Variants in LRRK2 observed in about 807,000 individuals in gnomAD.
LRRK2 encodes the protein leucine-rich repeat serine/threonine-protein kinase 2.
LRRK2 carries 203 observed loss-of-function variants against 302.6 expected under a neutral mutation model. The ratio of observed to expected loss-of-function variants is 0.67; its 90% CI spans 0.60 to 0.75. LRRK2 has a LOEUF of 0.75. Among genes scored for constraint, LRRK2 ranks in the 30% least tolerant of loss-of-function variants. LRRK2 has a pLI of 0.00. For synonymous variants in LRRK2, 1,066 were observed against 1,031.9 expected (o/e 1.03, Z -0.63); for missense variants, 2,830 against 2,951.0 (o/e 0.96, Z 0.95).
intron 24 of LRRK2, among the ~76,000 whole-genome samples, chr12:40,298,889 A>G (rs993018682): frequency 4.8e-5 from 6 of 125,546 alleles, no homozygotes; most frequent in African/African-American, 1.5e-4. Context: ...TATAATACTT[A>G]TTATATATAT....
At chr12:40,256,858 T>C (rs1231459801) in intron 11 of LRRK2, among the ~76,000 whole-genome samples, 4 of 152,232 alleles carry the variant, frequency 2.6e-5, no homozygotes, top group Non-Finnish European at 5.9e-5. Flanking sequence ...GTGCAGTTAT[T>C]TGTGAACTTG....
chr12:40,362,426 C>T (rs1227466535), intron 47 of LRRK2, among the ~76,000 whole-genome samples: 1 of 151,958 alleles, frequency 6.6e-6, no homozygotes, highest in Non-Finnish European at 1.5e-5. Context: ...CTTCTATTCC[C>T]CCACTTAACA....
intron 4 of LRRK2, among the ~76,000 whole-genome samples, chr12:40,236,463 G>A (rs900982808): frequency 1.2e-4 from 18 of 152,138 alleles, no homozygotes; most frequent in African/African-American, 4.1e-4. Context: ...AAAAAATCTT[G>A]AAATGATGCA....
intron 5 of LRRK2, among the ~76,000 whole-genome samples, chr12:40,239,361 A>G (rs1046178741): frequency 6.6e-6 from 1 of 152,146 alleles, no homozygotes; most frequent in Non-Finnish European, 1.5e-5. Context: ...CTTGCAACTA[A>G]GCTTTCGATG....
At chr12:40,229,464 G>A (rs1372767928) in intron 2 of LRRK2, among the ~76,000 whole-genome samples, 4 of 152,018 alleles carry the variant, frequency 2.6e-5, no homozygotes, top group East Asian at 3.8e-4. Flanking sequence ...GAAAATTGAC[G>A]GTTAAGCTAG....
intron 41 of LRRK2, among the ~76,000 whole-genome samples, chr12:40,341,806 C>T (rs1439209999): frequency 1.3e-5 from 2 of 152,154 alleles, no homozygotes; most frequent in African/African-American, 4.8e-5. Flanking sequence ...TATAGTCTCT[C>T]CTAAACCATA....
intron 26 of LRRK2, 102 bp from the exon 27 acceptor site, chr12:40,303,846 C>A: frequency 1.8e-6 from 2 of 1,092,612 alleles, no homozygotes; most frequent in Non-Finnish European, 2.8e-6. Flanking sequence ...CTAGTTTTGA[C>A]GTTACACTTT....
At chr12:40,276,515 C>G (rs1943460003) in intron 16 of LRRK2, among the ~76,000 whole-genome samples, 1 of 152,148 alleles carries the variant, frequency 6.6e-6, no homozygotes, top group Admixed American at 6.5e-5. Context: ...AGGCTGGTCT[C>G]AAACTCCTGA....
chr12:40,361,176 G>A (rs1400042148), intron 47 of LRRK2, among the ~76,000 whole-genome samples: 1 of 151,944 alleles, frequency 6.6e-6, no homozygotes, highest in African/African-American at 2.4e-5. Flanking sequence ...TATATTTGAG[G>A]TTAAGATATA....
chr12:40,264,727 C>T lies in LRRK2; in HGVS notation c.1656+826C>T, dbSNP rs1305871471. 2.0e-5 allele frequency among the ~76,000 whole-genome samples: 3 copies of T among 152,202 alleles called. No individual in the cohort carries two copies. In the East Asian group the frequency reaches 5.8e-4, roughly 29 times the overall value. The stretch of plus-strand genomic sequence containing the variant: ...ATAACCTCTGAAATGATTTGGTATA[C>T]ATTGTTTCCATTTTTTAGCATTTAC... On this transcript the variant is annotated intron_variant, in intron 14 of 50. Coordinates refer to ENST00000298910, the MANE Select transcript of LRRK2 (RefSeq NM_198578.4).
Position 40,284,019 on chromosome 12 carries a change from C to T in LRRK2, c.2386C>T (p.Leu796=), listed in dbSNP as rs1262075530. 6.2e-7 allele frequency: 1 copy of T among 1,613,782 alleles called. No homozygotes were observed. The change falls in exon 19 of 51, where the codon CTG becomes TTG. Residue 796 remains leucine (L), a synonymous_variant. Transcript: ENST00000298910. ...IISLLLRRLA[L]DVANNSICLG... is the part of the protein sequence containing the mutation. ...CAGCTTGCTCTTAAGGAGGCTGGCC[C>T]TGGATGTGGCCAACAATAGCATTTG...
chr12:40,308,985 G>T, intron 29 of LRRK2, 121 bp from the exon 30 acceptor site: 2 of 1,159,658 alleles, frequency 1.7e-6, no homozygotes, highest in Non-Finnish European at 2.5e-6. Flanking sequence ...ATGGTCTGTT[G>T]TTTTTCTCTT....
At chr12:40,325,183 G>A (rs567944601) in intron 38 of LRRK2, among the ~76,000 whole-genome samples, 7 of 152,314 alleles carry the variant, frequency 4.6e-5, no homozygotes, top group Middle Eastern at 6.8e-3. Context: ...AGCTACTCGG[G>A]AGGCTGAGGC....
intron 3 of LRRK2, among the ~76,000 whole-genome samples, chr12:40,234,080 G>C (rs571540631): frequency 2.6e-5 from 4 of 152,136 alleles, no homozygotes; most frequent in Non-Finnish European, 5.9e-5. Context: ...ATAAAGTCAG[G>C]AATTGTGGGA....
chr12:40,348,990 T>C (rs951124170), intron 43 of LRRK2, among the ~76,000 whole-genome samples: 1 of 152,168 alleles, frequency 6.6e-6, no homozygotes, highest in African/African-American at 2.4e-5. Flanking sequence ...TTTGGTCCTG[T>C]TGTAGAGCCC....
rs202056772 is a variant in LRRK2, at chr12:40,365,069, G to T, written c.7390+19G>T. ...CAGCTAGGCAAGTTTCTTTCCTTTAGATATTTTTCATATTCTCTAAGTCTT... is the reference window on the plus strand; with the variant it reads ...CAGCTAGGCAAGTTTCTTTCCTTTATATATTTTTCATATTCTCTAAGTCTT... On this transcript the variant is annotated intron_variant, in intron 49 of 50. Transcript: ENST00000298910. 1.4e-5 allele frequency: 22 copies of T among 1,599,380 alleles called. No individual in the cohort carries two copies. Among genetic ancestry groups the T allele is most frequent in the Non-Finnish European group, 5.1e-6 (6 of 1,167,874 alleles).
chr12:40,336,223 A>G (rs775243693), intron 40 of LRRK2, among the ~76,000 whole-genome samples: 1 of 152,150 alleles, frequency 6.6e-6, no homozygotes, highest in Non-Finnish European at 1.5e-5. Flanking sequence ...GATTTCACTC[A>G]GGAATGTCTG....
intron 24 of LRRK2, among the ~76,000 whole-genome samples, chr12:40,298,867 ATATATACTATATATAATACT>A (rs1944506343): frequency 8.5e-5 from 1 of 11,740 alleles, no homozygotes; most frequent in Non-Finnish European, 1.6e-4. Flanking sequence ...TATATATTAT[ATATATACTATATATAATACT>A]TATTATATAT....
At position 40,308,551 on chromosome 12, in the gene LRRK2, C is replaced by T; in HGVS notation, c.4044C>T (p.Thr1348=). The T allele has an allele frequency of 6.2e-7, 1 of 1,613,908 alleles. No individual in the cohort carries two copies. The highest frequency in any genetic ancestry group is 1.1e-5 in the South Asian group (1 of 91,082). ...TGGGAAATACTGGGAGTGGTAAAACCACCTTATTGCAGCAATTAATGAAAA... is the reference window on the plus strand; with the variant it reads ...TGGGAAATACTGGGAGTGGTAAAACTACCTTATTGCAGCAATTAATGAAAA... ...MIVGNTGSGK[T]TLLQQLMKTK... The change falls in exon 29 of 51, where the codon ACC becomes ACT. Residue 1348 remains threonine, a synonymous_variant. Transcript: ENST00000298910.
Sources: allele counts gnomAD v4.1 joint callset (sites outside exome capture counted in the v4.1 genomes callset), GRCh38; gene constraint gnomAD v4.1.1; transcripts MANE v1.5; gene names NCBI Gene and HGNC (gene_info 2026-07-23, HGNC 2026-07-21).